The following PECAM1 variants were observed in gnomAD, a reference collection of about 807,000 sequenced individuals.
PECAM1 encodes the protein platelet endothelial cell adhesion molecule.
Under a neutral mutation model 13.8 loss-of-function variants are expected in PECAM1, and 8 were observed. That is an observed-to-expected ratio of 0.58 (90% CI 0.34 to 1.05). The LOEUF (loss-of-function observed/expected upper bound fraction) is 1.05, where lower values mean the gene tolerates loss of function less well. PECAM1 is among the 50% of genes least tolerant of loss of function. PECAM1 has a pLI of 0.03. For synonymous variants in PECAM1, 136 were observed against 52.6 expected (o/e 2.58, Z -6.86); for missense variants, 304 against 141.2 (o/e 2.15, Z -5.84).
intron 14 of PECAM1, among the ~76,000 whole-genome samples, chr17:64,331,949 A>C (rs975251948): frequency 1.3e-5 from 2 of 152,378 alleles, no homozygotes; most frequent in Middle Eastern, 3.4e-3. Context: ...AAGGGGCCTC[A>C]GTATAGACCC....
chr17:64,342,719 G>A (rs1370944527), intron 13 of PECAM1, among the ~76,000 whole-genome samples: 1 of 152,062 alleles, frequency 6.6e-6, no homozygotes, highest in Non-Finnish European at 1.5e-5. Context: ...AGGGTGTGGC[G>A]TATACCTGGA....
intron 13 of PECAM1, among the ~76,000 whole-genome samples, chr17:64,345,115 G>T (rs1394721211): frequency 1.3e-5 from 2 of 152,160 alleles, no homozygotes; most frequent in Non-Finnish European, 2.9e-5. Context: ...GCCTCCCAAA[G>T]TGCTGGGATT....
At chr17:64,375,444 C>T in intron 3 of PECAM1, 88 bp from the exon 4 acceptor site, 2 of 399,432 alleles carry the variant, frequency 5.0e-6, no homozygotes, top group East Asian at 3.6e-5. Context: ...ACAAGCCTCC[C>T]TCCGCTGAGT....
At chr17:64,374,686 A>G (rs1398603457) in intron 4 of PECAM1, among the ~76,000 whole-genome samples, 1 of 151,992 alleles carries the variant, frequency 6.6e-6, no homozygotes, top group African/African-American at 2.4e-5. Context: ...CCAGAGGCTG[A>G]GGCATAAGAA....
intron 7 of PECAM1, among the ~76,000 whole-genome samples, chr17:64,357,886 T>C (rs1325490305): frequency 6.6e-6 from 1 of 152,160 alleles, no homozygotes; most frequent in Non-Finnish European, 1.5e-5. Flanking sequence ...TCACCATGCC[T>C]GCTCCCTGAC....
intron 12 of PECAM1, among the ~76,000 whole-genome samples, chr17:64,349,394 T>C (rs28368951): frequency 0.88 from 133,717 of 151,630 alleles, 60,714 homozygotes; most frequent in East Asian, 1. Context: ...TCGAGATCAG[T>C]CTGGCCAACA....
At position 64,329,863 on chromosome 17, in the gene PECAM1, A is replaced by G. The variant is rs534293772; in HGVS notation, c.2165-141T>C. Reference sequence around the variant, plus strand: ...GAGACATCAGCCGGCAGGTGCCCTTAGAGGTTTATGGCTCCTTTGTGCAAG... The same window carrying G: ...GAGACATCAGCCGGCAGGTGCCCTTGGAGGTTTATGGCTCCTTTGTGCAAG... On this transcript the variant is annotated intron_variant, in intron 14 of 15. Coordinates refer to ENST00000563924, the MANE Select transcript of PECAM1 (RefSeq NM_000442.5). 180 of 696,774 alleles carry G rather than the reference A, an allele frequency of 2.6e-4. 1 individual carries two copies. In the South Asian group the frequency reaches 2.7e-3, roughly 10 times the overall value. 43.2% of individuals were successfully genotyped at this position (696,774 alleles called of 1,614,324 possible).
chr17:64,383,531 C>G (rs1339133337), intron 2 of PECAM1, among the ~76,000 whole-genome samples: 2 of 152,136 alleles, frequency 1.3e-5, no homozygotes, highest in Non-Finnish European at 2.9e-5. Flanking sequence ...AGCACTGTCC[C>G]CCATACTGGG....
At chr17:64,376,879 G>A (rs1412585005) in intron 3 of PECAM1, among the ~76,000 whole-genome samples, 1 of 152,188 alleles carries the variant, frequency 6.6e-6, no homozygotes, top group Non-Finnish European at 1.5e-5. Context: ...GGGAGGCTGA[G>A]ACAGGAGAAT....
At position 64,321,341 on chromosome 17, in the gene PECAM1, G is replaced by T. The variant is rs1010802310; in HGVS notation, c.*2475C>A. Reference sequence around the variant, plus strand: ...GGGGTTACGGCAGCTGCCGAGGAAGGCTAAAGCCAGCGTCCTGGATTCAGA... The same window carrying T: ...GGGGTTACGGCAGCTGCCGAGGAAGTCTAAAGCCAGCGTCCTGGATTCAGA... On this transcript the variant is annotated 3_prime_UTR_variant, in exon 16 of 16. Coordinates refer to ENST00000563924, the MANE Select transcript of PECAM1 (RefSeq NM_000442.5). 6.3e-6 allele frequency: 5 copies of T among 791,246 alleles called. No individual in the cohort carries two copies. The highest frequency in any genetic ancestry group is 6.2e-5 in the Admixed American group (1 of 16,052). The allele number at this position is 791,246 out of a possible 1,614,324, so 49.0% of individuals were successfully genotyped here.
At chr17:64,369,635 A>T (rs1215395202) in intron 5 of PECAM1, 115 bp downstream of exon 5, 11 of 397,344 alleles carry the variant, frequency 2.8e-5, no homozygotes, top group Non-Finnish European at 4.9e-5. Flanking sequence ...GAGCACATTC[A>T]TTCAGATAAG....
chr17:64,384,226 G>C (rs1170515730), intron 2 of PECAM1, among the ~76,000 whole-genome samples: 2 of 152,148 alleles, frequency 1.3e-5, no homozygotes. Context: ...AGGGAGAAGA[G>C]AGGGCAGGAT....
chr17:64,342,434 C>T (rs994712469), intron 13 of PECAM1, among the ~76,000 whole-genome samples: 1 of 152,158 alleles, frequency 6.6e-6, no homozygotes, highest in African/African-American at 2.4e-5. Context: ...GCCCAGACCC[C>T]GGGATCCAGA....
At chr17:64,332,415 A>G (rs1484896044) in intron 14 of PECAM1, among the ~76,000 whole-genome samples, 2 of 152,216 alleles carry the variant, frequency 1.3e-5, no homozygotes, top group African/African-American at 4.8e-5. Context: ...AAGCAATCTG[A>G]AGACAAAATG....
At chr17:64,336,719 A>C (rs1420474528) in intron 14 of PECAM1, among the ~76,000 whole-genome samples, 1 of 152,068 alleles carries the variant, frequency 6.6e-6, no homozygotes, top group East Asian at 1.9e-4. Flanking sequence ...TTAGCTGGGC[A>C]TGGTGGTGCG....
chr17:64,321,489 G>A lies in PECAM1; in HGVS notation c.*2327C>T. On this transcript the variant is annotated 3_prime_UTR_variant, in exon 16 of 16. Transcript: ENST00000563924. ...GTGTGCTCCACAGGCCGGGGGCGGT[G>A]GCTCATGCCTGCAATCCCAGCACTT... 3 of 994,476 alleles carry A rather than the reference G, an allele frequency of 3.0e-6. No homozygotes were observed. Among genetic ancestry groups the A allele is most frequent in the Non-Finnish European group, 3.6e-6 (3 of 832,446 alleles). 61.6% of individuals were successfully genotyped at this position (994,476 alleles called of 1,614,324 possible). A position where few individuals can be genotyped will look rare whatever the true frequency, so the allele number is the denominator to read the frequency against.
chr17:64,359,292 G>T (rs1179866638), intron 7 of PECAM1, among the ~76,000 whole-genome samples: 2 of 152,086 alleles, frequency 1.3e-5, no homozygotes, highest in East Asian at 3.9e-4. Flanking sequence ...GCAAGCAATG[G>T]CACTCCTGAG....
chr17:64,389,614 T>G (rs2036672425), intron 2 of PECAM1, among the ~76,000 whole-genome samples: 1 of 152,216 alleles, frequency 6.6e-6, no homozygotes, highest in Non-Finnish European at 1.5e-5. Flanking sequence ...ATATCTCATT[T>G]GCAAATAAAA....
intron 14 of PECAM1, among the ~76,000 whole-genome samples, chr17:64,330,379 A>T (rs1162617260): frequency 6.6e-6 from 1 of 151,636 alleles, no homozygotes; most frequent in African/African-American, 2.4e-5. Context: ...GTGGTGGCTC[A>T]TGCCTGTAAT....
Sources: gnomAD v4.1 joint callset for allele counts (sites outside exome capture counted in the v4.1 genomes callset) on GRCh38, gnomAD v4.1.1 for gene constraint, MANE v1.5 for transcripts, NCBI Gene and HGNC (gene_info 2026-07-23, HGNC 2026-07-21) for gene names.